Variants in RAB38 observed in about 807,000 individuals in gnomAD.
The protein encoded by RAB38 is RAB38, member RAS oncogene family, also known as ras-related protein Rab-38.
RAB38 carries 15 observed loss-of-function variants against 18.4 expected under a neutral mutation model. That is an observed-to-expected ratio of 0.82 (90% CI 0.55 to 1.26). The LOEUF is 1.26. RAB38 is among the 50% of genes most tolerant of loss of function. The pLI, the probability that RAB38 is intolerant of heterozygous loss-of-function variation, is 0.00. For synonymous variants in RAB38, 101 were observed against 104.4 expected (o/e 0.97, Z 0.20); for missense variants, 294 against 267.4 (o/e 1.10, Z -0.69).
the RAB38 span, among the ~76,000 whole-genome samples, chr11:87,843,976 A>G: frequency 6.6e-6 from 1 of 152,174 alleles, no homozygotes; most frequent in African/African-American, 2.4e-5. Context: ...TTTTCAATTC[A>G]TGTAGACTTT....
At chr11:87,969,896 C>G in the RAB38 span, among the ~76,000 whole-genome samples, 2 of 152,068 alleles carry the variant, frequency 1.3e-5, no homozygotes, top group East Asian at 3.9e-4. Context: ...ACCAGAGAAG[C>G]AGAAACAGCC....
the RAB38 span, among the ~76,000 whole-genome samples, chr11:88,009,435 C>T: frequency 0.012 from 1,779 of 152,226 alleles, 39 homozygotes; most frequent in African/African-American, 0.04. Context: ...AAGAAAGGGA[C>T]AGATAATCCT....
At chr11:87,821,404 C>T in the RAB38 span, among the ~76,000 whole-genome samples, 11 of 151,942 alleles carry the variant, frequency 7.2e-5, no homozygotes, top group Non-Finnish European at 1.0e-4. Flanking sequence ...AATTTTCAGA[C>T]GAACAAAACT....
chr11:88,075,708 C>T, the RAB38 span, among the ~76,000 whole-genome samples: 1 of 151,858 alleles, frequency 6.6e-6, no homozygotes, highest in South Asian at 2.1e-4. Context: ...TGGTTAAACC[C>T]CAGCTCTACA....
chr11:87,836,223 T>G, the RAB38 span, among the ~76,000 whole-genome samples: 1 of 152,144 alleles, frequency 6.6e-6, no homozygotes, highest in Admixed American at 6.6e-5. Flanking sequence ...TTCAGACAAT[T>G]TCACCTCTGA....
chr11:87,906,538 A>C, the RAB38 span, among the ~76,000 whole-genome samples: 1 of 151,942 alleles, frequency 6.6e-6, no homozygotes, highest in Non-Finnish European at 1.5e-5. Flanking sequence ...TATTATTCTG[A>C]AGTTAAAAGC....
At chr11:88,170,205 C>T (rs1041666625) in intron 1 of RAB38, among the ~76,000 whole-genome samples, 1 of 152,252 alleles carries the variant, frequency 6.6e-6, no homozygotes, top group African/African-American at 2.4e-5. Context: ...ATTATTTACC[C>T]GTAAGAACAT....
the RAB38 span, among the ~76,000 whole-genome samples, chr11:88,080,274 T>G: frequency 6.6e-6 from 1 of 151,612 alleles, no homozygotes; most frequent in Non-Finnish European, 1.5e-5. Context: ...AATTAGAAAT[T>G]TAACTTTTAA....
chr11:88,013,261 C>T, the RAB38 span, among the ~76,000 whole-genome samples: 1 of 152,150 alleles, frequency 6.6e-6, no homozygotes, highest in African/African-American at 2.4e-5. Context: ...AAATAACAGC[C>T]TTGATATTAA....
the RAB38 span, among the ~76,000 whole-genome samples, chr11:88,004,156 A>T: frequency 6.7e-6 from 1 of 149,254 alleles, no homozygotes; most frequent in South Asian, 2.1e-4. Flanking sequence ...TTACTTATAG[A>T]ACAATTGCCT....
chr11:87,851,258 G>A, the RAB38 span, among the ~76,000 whole-genome samples: 1 of 152,130 alleles, frequency 6.6e-6, no homozygotes, highest in Non-Finnish European at 1.5e-5. Context: ...CTAACTTGTA[G>A]ACCCCTTAAA....
chr11:87,873,926 A>ATATATATATATATATT, the RAB38 span, among the ~76,000 whole-genome samples: 1 of 99,558 alleles, frequency 1.0e-5, no homozygotes, highest in African/African-American at 4.6e-5. Flanking sequence ...GTGTGTGTAT[A>ATATATATATATATATT]TATATATATA....
chr11:87,903,015 A>AT, the RAB38 span, among the ~76,000 whole-genome samples: 1 of 151,106 alleles, frequency 6.6e-6, no homozygotes, highest in South Asian at 2.1e-4. Context: ...GTGAATAGAA[A>AT]TTTTTACTCA....
intron 2 of RAB38, among the ~76,000 whole-genome samples, chr11:88,142,828 T>C (rs570027240): frequency 6.6e-6 from 1 of 152,178 alleles, no homozygotes; most frequent in East Asian, 1.9e-4. Flanking sequence ...AGACGAAAAG[T>C]ATATGTGAGA....
chr11:88,016,562 T>G, the RAB38 span, among the ~76,000 whole-genome samples: 1 of 152,110 alleles, frequency 6.6e-6, no homozygotes, highest in African/African-American at 2.4e-5. Context: ...CTAACAGACC[T>G]TGATAAGTCC....
At chr11:88,123,293 G>A (rs2134782429) in intron 2 of RAB38, among the ~76,000 whole-genome samples, 1 of 152,250 alleles carries the variant, frequency 6.6e-6, no homozygotes. Flanking sequence ...GTCTAGCACA[G>A]TGCCTACAAA....
chr11:87,902,733 G>A, the RAB38 span, among the ~76,000 whole-genome samples: 24 of 151,174 alleles, frequency 1.6e-4, no homozygotes, highest in African/African-American at 4.4e-4. Context: ...GTATCTATGC[G>A]TTTTGCTAAA....
At chr11:87,954,670 C>T in the RAB38 span, among the ~76,000 whole-genome samples, 1 of 151,992 alleles carries the variant, frequency 6.6e-6, no homozygotes, top group African/African-American at 2.4e-5. Context: ...ATCAGCTGCT[C>T]AGGAAGGCAG....
chr11:88,021,797 C>T, the RAB38 span, among the ~76,000 whole-genome samples: 2 of 142,750 alleles, frequency 1.4e-5, no homozygotes, highest in East Asian at 2.1e-4. Flanking sequence ...GAGGTTGCAG[C>T]GAGCTGAGAT....
Sources: allele counts gnomAD v4.1 joint callset (sites outside exome capture counted in the v4.1 genomes callset), GRCh38; gene constraint gnomAD v4.1.1; transcripts MANE v1.5; gene names NCBI Gene and HGNC (gene_info 2026-07-23, HGNC 2026-07-21).